RNF43: variants seen among roughly 807,000 people sequenced by gnomAD.
RNF43 encodes the protein ring finger protein 43, also known as E3 ubiquitin-protein ligase RNF43.
RNF43 carries 37 observed loss-of-function variants against 78.4 expected under a neutral mutation model. That is an observed-to-expected ratio of 0.47 (90% CI 0.36 to 0.62). RNF43 has a LOEUF of 0.62. Among genes scored for constraint, RNF43 ranks in the 20% least tolerant of loss-of-function variants. RNF43 has a pLI of 0.00. For missense variants in RNF43, 774 were observed against 1,007.9 expected, an observed-to-expected ratio of 0.77 and a Z score of 3.14; for synonymous variants, 347 against 395.0, an observed-to-expected ratio of 0.88 and a Z score of 1.44.
At chr17:58,353,248 G>A (rs1297281042), downstream of RNF43, 1 of 219,050 alleles carries the variant, frequency 4.6e-6, no homozygotes, top group East Asian at 6.7e-5. Flanking sequence ...AGGTTTGGAT[G>A]TTTTCTATCA....
In RNF43 at chr17:58,360,162, C is replaced by T. The variant is rs1448444203; in HGVS notation, c.939G>A (p.Met313Ile). ...CCCACCTCCTACCTGTGATGTTGAA[C>T]ATGCAGAGGGGGCAAGTCCGATGCT... ...LHQHRTCPLCMFNITEGDSFS... is the reference protein window; with the variant it reads ...LHQHRTCPLCIFNITEGDSFS... The change falls in exon 8 of 10, where the codon ATG becomes ATA. Residue 313 changes from methionine (M) to isoleucine (I), a missense_variant. By Grantham distance (10) the Met-to-Ile change is conservative. Transcript: ENST00000407977. This position sits in a 1 kb window ranked among gnomAD's most constrained non-coding sequence, Gnocchi z 4.3. 1.2e-6 allele frequency: 2 copies of T among 1,613,574 alleles called. No homozygotes were observed. The highest frequency in any genetic ancestry group is 1.7e-6 in the Non-Finnish European group (2 of 1,179,626).
At chr17:58,390,943 T>A (rs1973542466) in intron 2 of RNF43, among the ~76,000 whole-genome samples, 1 of 152,222 alleles carries the variant, frequency 6.6e-6, no homozygotes, top group Admixed American at 6.5e-5. Flanking sequence ...TCACTGTATA[T>A]CTTATTTAGC....
chr17:58,370,855 C>T (rs2143512464), intron 3 of RNF43, 56 bp downstream of exon 3: 1 of 1,466,200 alleles, frequency 6.8e-7, no homozygotes, highest in Non-Finnish European at 9.1e-7. Context: ...AGGGTCTTCT[C>T]ACAGCCCAGA....
At chr17:58,414,638 T>C (rs1974088955) in intron 2 of RNF43, among the ~76,000 whole-genome samples, 2 of 152,224 alleles carry the variant, frequency 1.3e-5, no homozygotes, top group Non-Finnish European at 2.9e-5. Flanking sequence ...ATTCACAGCC[T>C]GAAAGCCTAA....
chr17:58,385,636 C>G (rs1973415323), intron 2 of RNF43, among the ~76,000 whole-genome samples: 1 of 152,186 alleles, frequency 6.6e-6, no homozygotes. Flanking sequence ...CAAATACTAT[C>G]AGTGGCTGTC....
chr17:58,358,908 T>A lies in RNF43; in HGVS notation c.953-85A>T, dbSNP rs1304237483. ...CAGAAAGACATGGCTGTAGCTAATC[T>A]ATTTGACCCTGAGTAGCCTGTGAGC... is the stretch of plus-strand genomic sequence containing the variant. On this transcript the variant is annotated intron_variant, in intron 8 of 9. Transcript: ENST00000407977. The surrounding 1 kb of genome is among the most constrained non-coding windows in gnomAD (Gnocchi z 6.2). 2.2e-6 allele frequency: 3 copies of A among 1,348,634 alleles called. No homozygotes were observed. Among genetic ancestry groups the A allele is most frequent in the Non-Finnish European group, 2.9e-6 (3 of 1,026,778 alleles). The allele number at this position is 1,348,634 out of a possible 1,614,324, so 83.5% of individuals were successfully genotyped here.
chr17:58,366,661 A>T (rs764829908), intron 3 of RNF43, among the ~76,000 whole-genome samples: 1 of 152,190 alleles, frequency 6.6e-6, no homozygotes, highest in Non-Finnish European at 1.5e-5. Flanking sequence ...AAGTCACTTC[A>T]CTACTCTGTG....
rs138903567 is a variant in RNF43 at position 58,354,512 on chromosome 17, G to A, written c.*431C>T. The stretch of plus-strand genomic sequence containing the variant: ...GCTCACCCAAGGAGGGAGGTGATAA[G>A]GTGTCATGCGTTCTGCTGAACCCAC... On this transcript the variant is annotated 3_prime_UTR_variant, in exon 10 of 10. Transcript: ENST00000407977. The A allele has an allele frequency of 1.3e-3, 379 of 291,624 alleles. 1 individual carries two copies. The highest frequency in any genetic ancestry group is 7.3e-3 in the African/African-American group (352 of 48,538). 18.1% of individuals were successfully genotyped at this position (291,624 alleles called of 1,614,324 possible). A position where few individuals can be genotyped will look rare whatever the true frequency, so the allele number is the denominator to read the frequency against.
rs759809905 is a variant in RNF43, at chr17:58,363,319, G to A, written c.538C>T (p.Gln180Ter). The change falls in exon 5 of 10, where the codon CAA (glutamine) becomes TAA (stop). Residue 180 changes from glutamine (Q) to a stop codon, truncating the protein, a stop_gained. Transcript: ENST00000407977. LOFTEE classifies it high-confidence loss of function. The stretch of plus-strand genomic sequence containing the variant: ...AGCTCAATCCTCACATGGGCCTTTT[G>A]GTTCTTGTACACAAACTCCATCAGC... ...EKLMEFVYKN[Q>*]KAHVRIELKE... 6.2e-7 allele frequency: 1 copy of A among 1,614,104 alleles called. No individual in the cohort carries two copies. Among genetic ancestry groups the A allele is most frequent in the Non-Finnish European group, 8.5e-7 (1 of 1,180,026 alleles).
intron 2 of RNF43, among the ~76,000 whole-genome samples, chr17:58,383,063 C>T (rs903533549): frequency 6.6e-6 from 1 of 152,216 alleles, no homozygotes; most frequent in African/African-American, 2.4e-5. Flanking sequence ...ATAGTGTCAG[C>T]TGTCTGCAGT....
chr17:58,409,209 A>G (rs1428577681), intron 2 of RNF43, among the ~76,000 whole-genome samples: 2 of 152,136 alleles, frequency 1.3e-5, no homozygotes, highest in Admixed American at 1.3e-4. Flanking sequence ...CTCTTTCCCA[A>G]TATATTTCCT....
chr17:58,395,685 T>C (rs1165265530), intron 2 of RNF43, among the ~76,000 whole-genome samples: 4 of 152,126 alleles, frequency 2.6e-5, no homozygotes, highest in Non-Finnish European at 5.9e-5. Flanking sequence ...AAAAGAAAGG[T>C]GGTTTCTCTA....
chr17:58,369,408 G>T (rs564990176), intron 3 of RNF43, among the ~76,000 whole-genome samples: 1 of 152,290 alleles, frequency 6.6e-6, no homozygotes, highest in South Asian at 2.1e-4. Context: ...CCACATCCCT[G>T]CCTGCCATGG....
intron 3 of RNF43, 83 bp downstream of exon 3, chr17:58,370,828 T>G: frequency 7.3e-7 from 1 of 1,378,322 alleles, no homozygotes; most frequent in East Asian, 2.5e-5. Flanking sequence ...TTAGGAAACA[T>G]GGGGACAAGA....
At chr17:58,381,169 A>T (rs1203851032) in intron 2 of RNF43, among the ~76,000 whole-genome samples, 4 of 152,230 alleles carry the variant, frequency 2.6e-5, no homozygotes, top group African/African-American at 9.6e-5. Context: ...ACTCAGAAAT[A>T]ACATCAGGAG....
intron 2 of RNF43, among the ~76,000 whole-genome samples, chr17:58,383,439 G>A (rs9788975): frequency 0.38 from 57,422 of 151,612 alleles, 11,188 homozygotes; most frequent in East Asian, 0.51. Flanking sequence ...GGGACTACAG[G>A]AGCACACCAC....
chr17:58,364,185 G>A (rs1320553007), intron 3 of RNF43, among the ~76,000 whole-genome samples: 2 of 152,176 alleles, frequency 1.3e-5, no homozygotes, highest in African/African-American at 4.8e-5. Flanking sequence ...CATCTCATGG[G>A]CTCCCTCTCC....
At chr17:58,403,005 G>C (rs1321994286) in intron 2 of RNF43, among the ~76,000 whole-genome samples, 1 of 151,914 alleles carries the variant, frequency 6.6e-6, no homozygotes, top group Admixed American at 6.6e-5. Flanking sequence ...TTTTTGGGGT[G>C]GGGGGGTAGG....
intron 3 of RNF43, among the ~76,000 whole-genome samples, chr17:58,366,421 A>C (rs1972951973): frequency 6.6e-6 from 1 of 152,068 alleles, no homozygotes; most frequent in Non-Finnish European, 1.5e-5. Flanking sequence ...ATGCACAGAC[A>C]CCCTACCCTC....
Sources: gnomAD v4.1 joint callset for allele counts (sites outside exome capture counted in the v4.1 genomes callset) on GRCh38, gnomAD v4.1.1 for gene constraint, Gnocchi (gnomAD v3.1) non-coding constraint, MANE v1.5 for transcripts, NCBI Gene and HGNC (gene_info 2026-07-23, HGNC 2026-07-21) for gene names.